AAK1: variants seen among roughly 807,000 people sequenced by gnomAD.
AAK1 encodes AP2-associated protein kinase 1.
Under a neutral mutation model 116.0 loss-of-function variants are expected in AAK1, and 37 were observed. The observed-to-expected ratio is 0.32, with a 90% CI of 0.25 to 0.42. The LOEUF is 0.42. AAK1 is among the 10% of genes least tolerant of loss of function. AAK1 has a pLI of 1.00. For synonymous variants in AAK1, 458 were observed against 439.9 expected, an observed-to-expected ratio of 1.04 and a Z score of -0.51; for missense variants, 919 against 1,170.6, an observed-to-expected ratio of 0.79 and a Z score of 3.14.
intron 4 of AAK1, 97 bp from the exon 5 acceptor site, chr2:69,542,762 G>T: frequency 7.2e-7 from 1 of 1,396,610 alleles, no homozygotes; most frequent in Non-Finnish European, 9.8e-7. Flanking sequence ...AAGCAGTCTG[G>T]ACTAAGGTAA....
intron 2 of AAK1, among the ~76,000 whole-genome samples, chr2:69,635,682 T>C (rs1186149549): frequency 6.6e-6 from 1 of 152,174 alleles, no homozygotes; most frequent in Non-Finnish European, 1.5e-5. Flanking sequence ...AATAAGCCAA[T>C]GACAAAAGGC....
At chr2:69,507,352 A>G in intron 15 of AAK1, 69 bp downstream of exon 15, 1 of 1,538,550 alleles carries the variant, frequency 6.5e-7, no homozygotes, top group Non-Finnish European at 8.8e-7. Flanking sequence ...ATTCTTTCTC[A>G]TTCCTGGTTA....
chr2:69,478,949 A>G lies in AAK1; in HGVS notation c.2680+2T>C. ...TGGGCCTGAGAAGAAGAAAGCATTT[A>G]CCTTTATGGACTGGAGCAGAGATTG... On this transcript the variant is annotated splice_donor_variant, in intron 20 of 21. Coordinates refer to ENST00000409085, the MANE Select transcript of AAK1 (RefSeq NM_014911.5). LOFTEE classifies it high-confidence loss of function. The G allele has an allele frequency of 6.2e-7, 1 of 1,605,258 alleles. No homozygotes were observed. The highest frequency in any genetic ancestry group is 8.5e-7 in the Non-Finnish European group (1 of 1,172,066).
At chr2:69,549,311 G>C (rs1362266041) in intron 3 of AAK1, among the ~76,000 whole-genome samples, 1 of 152,214 alleles carries the variant, frequency 6.6e-6, no homozygotes, top group Non-Finnish European at 1.5e-5. Flanking sequence ...GGAGGTTGCA[G>C]TGAGCCGAGA....
At position 69,642,649 on chromosome 2, in the gene AAK1, A is replaced by G. The variant is rs986454955; in HGVS notation, c.163+229T>C. 2.0e-5 allele frequency among the ~76,000 whole-genome samples: 3 copies of G among 152,286 alleles called. No individual in the cohort carries two copies. In the East Asian group the frequency reaches 5.8e-4, roughly 29 times the overall value. Reference sequence around the variant, plus strand: ...TTCTCAATATTAAAAAAATAAAAATAAAAGGCCACTAACGTAAACAATTTC... The same window carrying G: ...TTCTCAATATTAAAAAAATAAAAATGAAAGGCCACTAACGTAAACAATTTC... On this transcript the variant is annotated intron_variant, in intron 2 of 21. Coordinates refer to ENST00000409085, the MANE Select transcript of AAK1 (RefSeq NM_014911.5).
At position 69,525,045 on chromosome 2, in the gene AAK1, T is replaced by G. The variant is rs1669966504; in HGVS notation, c.1043A>C (p.Gln348Pro). The G allele has an allele frequency of 6.2e-7, 1 of 1,613,842 alleles. No individual in the cohort carries two copies. The highest frequency in any genetic ancestry group is 1.1e-5 in the South Asian group (1 of 91,092). Residue 348 changes from glutamine to proline, a missense_variant, in exon 10 of 22, where the codon CAG (glutamine) becomes CCG (proline). Gln to Pro is a moderately conservative substitution (Grantham distance 76). This residue lies in a region of AAK1 where 317 missense variants were observed against 490.4 expected (regional missense o/e 0.65). Transcript: ENST00000409085. ...KASEAAAKKT[Q>P]PKARLTDPIP... ...AGGCATTTCTTACCTGGCCTTTGGCTGGGTCTTTTTTGCAGCTGCCTCACT... is the reference window on the plus strand; with the variant it reads ...AGGCATTTCTTACCTGGCCTTTGGCGGGGTCTTTTTTGCAGCTGCCTCACT...
Position 69,548,662 on chromosome 2 carries a change from TG to T in AAK1, c.283-4119del, listed in dbSNP as rs1298709837. Among the ~76,000 whole-genome samples the T allele has an allele frequency of 5.9e-5, 9 of 152,008 alleles. No individual in the cohort carries two copies. In the East Asian group the frequency reaches 1.7e-3, roughly 29 times the overall value. ...GCTCTGTCACCAGGCTGGAGTGCAG[TG>T]GCACAATCTTGGCTCACTGCAAGCT... On this transcript the variant is annotated intron_variant, in intron 3 of 21. Coordinates refer to ENST00000409085, the MANE Select transcript of AAK1 (RefSeq NM_014911.5).
intron 2 of AAK1, among the ~76,000 whole-genome samples, chr2:69,614,548 G>GAAAACA (rs1017540798): frequency 6.6e-6 from 1 of 152,052 alleles, no homozygotes; most frequent in East Asian, 1.9e-4. Flanking sequence ...TCCCAACCAG[G>GAAAACA]AAAACAAAAA....
In AAK1 at chr2:69,465,967, T is replaced by C. The variant is rs1287487276; in HGVS notation, c.*9902A>G. On this transcript the variant is annotated 3_prime_UTR_variant, in exon 22 of 22. Coordinates refer to ENST00000409085, the MANE Select transcript of AAK1 (RefSeq NM_014911.5). ...CATTGGATAACTGTTAACTCCTCCA[T>C]GCTTTTCTTCTTAGTGAAAGGAGCT... 1 of 1,290,808 alleles carries C rather than the reference T, an allele frequency of 7.7e-7. No homozygotes were observed. The highest frequency in any genetic ancestry group is 1.0e-6 in the Non-Finnish European group (1 of 988,884). The allele number at this position is 1,290,808 out of a possible 1,614,324, so 80.0% of individuals were successfully genotyped here.
At chr2:69,582,273 T>C (rs1026502834) in intron 2 of AAK1, among the ~76,000 whole-genome samples, 1 of 152,184 alleles carries the variant, frequency 6.6e-6, no homozygotes, top group African/African-American at 2.4e-5. Flanking sequence ...GATCAGGACA[T>C]ATTTCAGATC....
intron 17 of AAK1, 92 bp downstream of exon 17, chr2:69,495,892 TC>T (rs1480910158): frequency 9.9e-7 from 1 of 1,008,938 alleles, no homozygotes; most frequent in African/African-American, 1.6e-5. Flanking sequence ...GGAATTCAGA[TC>T]CTTTTCACGG....
At chr2:69,573,025 A>G (rs1428641081) in intron 2 of AAK1, among the ~76,000 whole-genome samples, 1 of 152,226 alleles carries the variant, frequency 6.6e-6, no homozygotes, top group East Asian at 1.9e-4. Context: ...AATAAAACAT[A>G]AAGAAACCCA....
At chr2:69,599,985 T>C (rs888185951) in intron 2 of AAK1, among the ~76,000 whole-genome samples, 14 of 151,132 alleles carry the variant, frequency 9.3e-5, no homozygotes, top group Admixed American at 8.6e-4. Context: ...TCTCACTATG[T>C]TGTCCAGGCT....
intron 7 of AAK1, among the ~76,000 whole-genome samples, 157 bp from the exon 8 acceptor site, chr2:69,530,297 T>C (rs1399525921): frequency 6.6e-6 from 1 of 152,234 alleles, no homozygotes; most frequent in Non-Finnish European, 1.5e-5. Context: ...CCAACACCAC[T>C]GTTAGCAGCT....
chr2:69,523,874 T>G (rs990025747), intron 10 of AAK1, among the ~76,000 whole-genome samples: 9 of 152,220 alleles, frequency 5.9e-5, no homozygotes, highest in Non-Finnish European at 1.2e-4. Flanking sequence ...GAGTCTTACT[T>G]AAGTTGTGAG....
At chr2:69,497,295 CT>C (rs1176401016) in intron 16 of AAK1, among the ~76,000 whole-genome samples, 1,339 of 76,078 alleles carry the variant, frequency 0.018, 1 homozygote, top group Non-Finnish European at 0.022. Context: ...CATTATCATT[CT>C]TTTTTTTTTT....
intron 18 of AAK1, 139 bp from the exon 19 acceptor site, chr2:69,481,100 A>G: frequency 6.9e-6 from 5 of 720,534 alleles, no homozygotes; most frequent in Non-Finnish European, 1.1e-5. Flanking sequence ...AGCTCAAGCG[A>G]TCTATCCCAC....
At chr2:69,552,266 T>C (rs183332129) in intron 3 of AAK1, among the ~76,000 whole-genome samples, 9 of 152,308 alleles carry the variant, frequency 5.9e-5, no homozygotes, top group Admixed American at 4.6e-4. Flanking sequence ...GAATAGAGAA[T>C]AGAGAAAGGC....
intron 2 of AAK1, among the ~76,000 whole-genome samples, chr2:69,638,582 C>T (rs1423195707): frequency 6.6e-6 from 1 of 152,218 alleles, no homozygotes; most frequent in African/African-American, 2.4e-5. Flanking sequence ...GTCCTCTGTC[C>T]TTCTTTCCTT....
Sources: allele counts gnomAD v4.1 joint callset (sites outside exome capture counted in the v4.1 genomes callset), GRCh38; gene constraint gnomAD v4.1.1; regional missense constraint gnomAD v4.1.1; transcripts MANE v1.5; gene names NCBI Gene and HGNC (gene_info 2026-07-23, HGNC 2026-07-21).